The following SMOC2 variants were observed in gnomAD, a reference collection of about 807,000 sequenced individuals.
The protein encoded by SMOC2 is SPARC-related modular calcium-binding protein 2.
In SMOC2, 39 loss-of-function variants were observed where a neutral mutation model predicts 61.4. The ratio of observed to expected loss-of-function variants is 0.64; its 90% confidence interval spans 0.49 to 0.83. The LOEUF (loss-of-function observed/expected upper bound fraction) is 0.83, where lower values mean the gene tolerates loss of function less well. Ranked by LOEUF, SMOC2 falls within the 40% of genes least tolerant of loss-of-function variation. The pLI is 0.00. For synonymous variants in SMOC2, 247 were observed against 239.9 expected (o/e 1.03, Z -0.27); for missense variants, 556 against 592.9 (o/e 0.94, Z 0.65).
intron 9 of SMOC2, among the ~76,000 whole-genome samples, chr6:168,612,773 A>G (rs1233861322): frequency 1.3e-5 from 2 of 151,790 alleles, no homozygotes; most frequent in Middle Eastern, 3.4e-3. Flanking sequence ...CATCGGCACA[A>G]CCTTGTCAGA....
chr6:168,578,057 G>C (rs1310764505), intron 7 of SMOC2, among the ~76,000 whole-genome samples: 2 of 152,238 alleles, frequency 1.3e-5, no homozygotes, highest in African/African-American at 4.8e-5. Context: ...TGTGTCCGCA[G>C]GGTTAAAACC....
chr6:168,461,776 C>T (rs1781723202), intron 1 of SMOC2, among the ~76,000 whole-genome samples: 1 of 152,186 alleles, frequency 6.6e-6, no homozygotes. Flanking sequence ...GTGCTAGAAA[C>T]ACCACTCTAT....
chr6:168,517,729 C>T (rs1783178353), intron 2 of SMOC2, among the ~76,000 whole-genome samples: 1 of 152,084 alleles, frequency 6.6e-6, no homozygotes, highest in South Asian at 2.1e-4. Context: ...GGGAGGAGGA[C>T]CCCGCCTTTT....
At chr6:168,518,817 TTATG>T (rs61246821) in intron 2 of SMOC2, among the ~76,000 whole-genome samples, 27,782 of 149,610 alleles carry the variant, frequency 0.19, 2,866 homozygotes, top group East Asian at 0.35. Context: ...GAATGCATGT[TTATG>T]TGAGTGCATG....
chr6:168,458,714 C>G (rs1433401383), intron 1 of SMOC2, among the ~76,000 whole-genome samples: 1 of 152,154 alleles, frequency 6.6e-6, no homozygotes, highest in Non-Finnish European at 1.5e-5. Context: ...TCACGTCCCC[C>G]TGCCCTCCAG....
chr6:168,517,450 C>G (rs1783169848), intron 2 of SMOC2, among the ~76,000 whole-genome samples: 1 of 152,220 alleles, frequency 6.6e-6, no homozygotes, highest in Admixed American at 6.5e-5. Flanking sequence ...TGATGTGGGT[C>G]GAGGTGCAGC....
chr6:168,599,611 A>ACACATACCCCCACACACC (rs1278626921), intron 8 of SMOC2, among the ~76,000 whole-genome samples: 108 of 108,280 alleles, frequency 1.0e-3, no homozygotes, highest in African/African-American at 2.2e-3. Context: ...CCACACACCC[A>ACACATACCCCCACACACC]CACACACTCA....
intron 11 of SMOC2, among the ~76,000 whole-genome samples, chr6:168,658,687 A>C (rs1365587382): frequency 2.6e-5 from 4 of 152,132 alleles, no homozygotes; most frequent in African/African-American, 9.7e-5. Flanking sequence ...AGGTAGAGTA[A>C]TTGGGCCCAG....
chr6:168,444,538 A>T (rs980986461), intron 1 of SMOC2, among the ~76,000 whole-genome samples: 1 of 151,744 alleles, frequency 6.6e-6, no homozygotes, highest in African/African-American at 2.4e-5. Flanking sequence ...GCTTTGCACA[A>T]CTTCCTGGTT....
chr6:168,631,716 G>A (rs535286950), intron 9 of SMOC2, among the ~76,000 whole-genome samples: 3 of 146,500 alleles, frequency 2.0e-5, no homozygotes, highest in Admixed American at 1.3e-4. Context: ...TTTGGTGCAC[G>A]TGTTTCTGGT....
chr6:168,530,619 A>C (rs890843865), intron 4 of SMOC2, among the ~76,000 whole-genome samples: 1 of 148,434 alleles, frequency 6.7e-6, no homozygotes, highest in African/African-American at 2.5e-5. Flanking sequence ...TGGAAATGCA[A>C]ATTAAAGTCA....
At chr6:168,516,417 A>G (rs1783135704) in intron 2 of SMOC2, among the ~76,000 whole-genome samples, 1 of 151,362 alleles carries the variant, frequency 6.6e-6, no homozygotes, top group South Asian at 2.1e-4. Flanking sequence ...ACTTGGAACT[A>G]TTTTGAGATT....
Position 168,441,456 on chromosome 6 carries a change from TA to T in SMOC2, c.84+4del. 6.7e-7 allele frequency: 1 copy of T among 1,503,462 alleles called. No individual in the cohort carries two copies. The allele number at this position is 1,503,462 out of a possible 1,614,324, so 93.1% of individuals were successfully genotyped here. On this transcript the variant is annotated splice_donor_region_variant and intron_variant, in intron 1 of 12. Coordinates refer to ENST00000356284, the MANE Select transcript of SMOC2 (RefSeq NM_001166412.2). ...GCTCAGAAGTTCTCGGCGCTCACGG[TA>T]AGCCCGGGCCCGCGGGACCTGGAGC... is the stretch of plus-strand genomic sequence containing the variant.
At chr6:168,588,506 G>A (rs1785097904) in intron 7 of SMOC2, among the ~76,000 whole-genome samples, 1 of 152,052 alleles carries the variant, frequency 6.6e-6, no homozygotes, top group Non-Finnish European at 1.5e-5. Flanking sequence ...GGGCTCCAAG[G>A]CCCCACCCCC....
chr6:168,500,286 CAAA>C (rs72258550), intron 1 of SMOC2, among the ~76,000 whole-genome samples: 39 of 99,296 alleles, frequency 3.9e-4, no homozygotes, highest in East Asian at 1.2e-3. Flanking sequence ...AACTCTGTCT[CAAA>C]AAAAAAAAAA....
At chr6:168,637,826 C>T (rs1319099923) in intron 9 of SMOC2, among the ~76,000 whole-genome samples, 1 of 152,190 alleles carries the variant, frequency 6.6e-6, no homozygotes, top group African/African-American at 2.4e-5. Context: ...CAGGAGCAGC[C>T]TCTTCCTCCC....
At position 168,452,271 on chromosome 6, in the gene SMOC2, G is replaced by A. The variant is rs189008069; in HGVS notation, c.84+10817G>A. On this transcript the variant is annotated intron_variant, in intron 1 of 12. Transcript: ENST00000356284. The surrounding 1 kb of genome is among the most constrained non-coding windows in gnomAD (Gnocchi z 5.0). ...CTACTGTCTTTATTTAGAAGTCTGG[G>A]ATATGCATGTTACATTCAGGATTAC... Among the ~76,000 whole-genome samples the A allele has an allele frequency of 2.3e-4, 35 of 152,310 alleles. No homozygotes were observed. The highest frequency in any genetic ancestry group is 8.4e-4 in the African/African-American group (35 of 41,570).
intron 1 of SMOC2, among the ~76,000 whole-genome samples, chr6:168,470,522 A>G (rs978488666): frequency 4.6e-5 from 7 of 151,994 alleles, no homozygotes; most frequent in Non-Finnish European, 5.9e-5. Flanking sequence ...CAAAAATACA[A>G]AAAATTAACC....
At chr6:168,447,414 G>T (rs981801685) in intron 1 of SMOC2, among the ~76,000 whole-genome samples, 1 of 152,126 alleles carries the variant, frequency 6.6e-6, no homozygotes, top group Admixed American at 6.5e-5. Flanking sequence ...ACTGACCGTG[G>T]ATGCTGCTAT....
Sources: allele counts gnomAD v4.1 joint callset (sites outside exome capture counted in the v4.1 genomes callset), GRCh38; gene constraint gnomAD v4.1.1; non-coding constraint Gnocchi (gnomAD v3.1); transcripts MANE v1.5; gene names NCBI Gene and HGNC (gene_info 2026-07-23, HGNC 2026-07-21).